The following CARNS1 variants were observed in gnomAD, a reference collection of about 807,000 sequenced individuals.
The protein encoded by CARNS1 is ATP-grasp domain containing 1.
Under a neutral mutation model 74.0 loss-of-function variants are expected in CARNS1, and 61 were observed. That is an observed-to-expected ratio of 0.82 (90% confidence interval 0.67 to 1.02). CARNS1 has a LOEUF of 1.02. Ranked by LOEUF, CARNS1 falls within the 50% of genes least tolerant of loss-of-function variation. The pLI, the probability that CARNS1 is intolerant of heterozygous loss-of-function variation, is 0.00. For missense variants in CARNS1, 1,278 were observed against 1,308.4 expected (o/e 0.98, Z 0.36); for synonymous variants, 568 against 605.5 (o/e 0.94, Z 0.91).
rs144609715 is a variant in CARNS1, at chr11:67,424,899, C to T, written c.*298C>T. ...CACACACACACACACACACCTCTGA[C>T]GCCAGCTCCCCAGGTGGGAGTGGGC... On this transcript the variant is annotated 3_prime_UTR_variant, in exon 10 of 10. Coordinates refer to ENST00000687366, the MANE Select transcript of CARNS1 (RefSeq NM_001166222.2). The T allele has an allele frequency of 6.6e-3, 3,700 of 559,512 alleles. 53 individuals are homozygous for T. Among genetic ancestry groups the T allele is most frequent in the East Asian group, 0.044 (1,065 of 24,410 alleles). 34.7% of individuals were successfully genotyped at this position (559,512 alleles called of 1,614,324 possible).
At position 67,419,146 on chromosome 11, in the gene CARNS1, G is replaced by A. The variant is rs538261452; in HGVS notation, c.755G>A (p.Arg252Gln). The change falls in exon 5 of 10, where the codon CGG (arginine) becomes CAG (glutamine). Residue 252 changes from arginine (R) to glutamine (Q), a missense_variant. Arg to Gln is a conservative substitution (Grantham distance 43, BLOSUM62 1). This residue lies in a region of CARNS1 where 1,164 missense variants were observed against 1,156.5 expected (regional missense o/e 1.01). Transcript: ENST00000687366. The stretch of plus-strand genomic sequence containing the variant: ...GGAGGGGATGCCAGCCTAGGGCTAC[G>A]GCTGGTGGAGCTGAGTGGCAAAGAG... ...LRGGDASLGL[R>Q]LVELSGKEGQ... The A allele has an allele frequency of 5.0e-5, 79 of 1,565,292 alleles. No homozygotes were observed. The South Asian group carries it at 7.0e-4, about 14-fold the overall frequency.
At chr11:67,416,755 G>A in intron 2 of CARNS1, 1 of 986,228 alleles carries the variant, frequency 1.0e-6, no homozygotes, top group Non-Finnish European at 1.2e-6. Flanking sequence ...ATATTGGGGG[G>A]GCGCCAGCCT....
chr11:67,416,894 C>A (rs2135078252), intron 2 of CARNS1: 4 of 986,704 alleles, frequency 4.1e-6, no homozygotes, highest in South Asian at 9.4e-5. Context: ...GGCTTCAAGA[C>A]CTACGTGGGG....
At chr11:67,418,069 G>A (rs1370522661) in intron 3 of CARNS1, among the ~76,000 whole-genome samples, 1 of 152,178 alleles carries the variant, frequency 6.6e-6, no homozygotes, top group Non-Finnish European at 1.5e-5. Flanking sequence ...TGTGTGGACA[G>A]AGGGTTCACA....
chr11:67,420,832 A>C lies in CARNS1; in HGVS notation c.1337A>C (p.Asp446Ala). 1 of 1,228,076 alleles carries C rather than the reference A, an allele frequency of 8.1e-7. No individual in the cohort carries two copies. The highest frequency in any genetic ancestry group is 1.0e-6 in the Non-Finnish European group (1 of 986,318). 76.1% of individuals were successfully genotyped at this position (1,228,076 alleles called of 1,614,324 possible). The change falls in exon 8 of 10, where the codon GAC becomes GCC. Residue 446 changes from aspartate (D) to alanine (A), a missense_variant. Asp to Ala is a moderately radical substitution (Grantham distance 126, BLOSUM62 -2). Around this residue, in one of 3 missense-constraint regions of CARNS1, gnomAD observed 1,164 missense variants for 1,156.5 expected, o/e 1.01. Transcript: ENST00000687366. ...EQRGGRRAHT[D>A]FLGVDFALTA... ...CGCGGCGGGCGCCGGGCGCACACGG[A>C]CTTCCTGGGTGAGTGAGGGCGGCCG...
chr11:67,423,908 T>C lies in CARNS1; in HGVS notation c.2160T>C (p.Asn720=). 1.2e-6 allele frequency: 2 copies of C among 1,613,676 alleles called. No individual in the cohort carries two copies. Among genetic ancestry groups the C allele is most frequent in the Non-Finnish European group, 1.7e-6 (2 of 1,179,884 alleles). Residue 720 remains asparagine, a synonymous_variant, in exon 10 of 10, where the codon AAT becomes AAC. Transcript: ENST00000687366. The surrounding 1 kb of genome is among the most constrained non-coding windows in gnomAD (Gnocchi z 5.1). ...DHPGIGLGWG[N]AMLLMEFVEG... ...CAGGCATTGGGCTGGGCTGGGGCAA[T>C]GCCATGCTGCTGATGGAGTTTGTGG...
chr11:67,422,253 G>T (rs1740924979), intron 9 of CARNS1, among the ~76,000 whole-genome samples: 1 of 138,850 alleles, frequency 7.2e-6, no homozygotes, highest in African/African-American at 2.8e-5. Context: ...GCGCAATCTC[G>T]GCCCATTGCA....
At chr11:67,416,094 A>G in intron 1 of CARNS1, 82 bp from the exon 2 acceptor site, 1 of 869,610 alleles carries the variant, frequency 1.1e-6, no homozygotes, top group African/African-American at 1.7e-5. Context: ...CTCCACTCCC[A>G]AAGTCTAGGG....
At chr11:67,419,692 G>A (rs1475524128) in intron 6 of CARNS1, 31 bp downstream of exon 6, 13 of 1,588,460 alleles carry the variant, frequency 8.2e-6, no homozygotes, top group Middle Eastern at 1.7e-4. Context: ...CCAGGGATGG[G>A]AGTTTGGTGT....
intron 1 of CARNS1, 179 bp downstream of exon 1, chr11:67,415,942 C>G: frequency 4.6e-6 from 2 of 434,000 alleles, no homozygotes; most frequent in South Asian, 5.6e-5. Context: ...CAGAGCCAAG[C>G]CCGGACCCCA....
chr11:67,421,266 T>G, intron 9 of CARNS1, 47 bp downstream of exon 9: 2 of 1,396,630 alleles, frequency 1.4e-6, no homozygotes, highest in South Asian at 1.5e-5. Flanking sequence ...CTGGCCCGAG[T>G]GGTGGAGGCG....
intron 9 of CARNS1, among the ~76,000 whole-genome samples, chr11:67,422,065 G>C (rs938032843): frequency 6.6e-6 from 1 of 151,596 alleles, no homozygotes; most frequent in African/African-American, 2.4e-5. Flanking sequence ...GTAGAGATGG[G>C]GTTTCACCAT....
In CARNS1 at chr11:67,424,861, C is replaced by CCACACACACACA. The variant is rs59798232; in HGVS notation, c.*280_*291dup. The CCACACACACACA allele has an allele frequency of 0.047, 23,874 of 506,630 alleles. 737 individuals carry two copies. Among genetic ancestry groups the CCACACACACACA allele is most frequent in the Admixed American group, 0.18 (5,828 of 32,458 alleles). 31.4% of individuals were successfully genotyped at this position (506,630 alleles called of 1,614,324 possible). A position where few individuals can be genotyped will look rare whatever the true frequency, so the allele number is the denominator to read the frequency against. On this transcript the variant is annotated 3_prime_UTR_variant, in exon 10 of 10. Coordinates refer to ENST00000687366, the MANE Select transcript of CARNS1 (RefSeq NM_001166222.2). ...TCTAGCCTTGGAGAAATGACAATGG[C>CCACACACACACA]CACACACACACACACACACACACAC...
chr11:67,416,534 A>G (rs555885434), intron 2 of CARNS1: 1 of 1,167,848 alleles, frequency 8.6e-7, no homozygotes, highest in Non-Finnish European at 1.1e-6. Context: ...CCATCTCCCA[A>G]CAACCAAGAG....
intron 9 of CARNS1, 95 bp downstream of exon 9, chr11:67,421,314 T>TG: frequency 3.9e-6 from 5 of 1,277,120 alleles, no homozygotes; most frequent in Non-Finnish European, 4.0e-6. Flanking sequence ...GGGGCGTCCT[T>TG]GGGGCGGGAC....
rs1469231200 is a variant in CARNS1 at position 67,417,577 on chromosome 11, G to A, written c.174G>A (p.Glu58=). The change falls in exon 3 of 10, where the codon GAG becomes GAA. Residue 58 remains glutamate (E), a synonymous_variant. Coordinates refer to ENST00000687366, the MANE Select transcript of CARNS1 (RefSeq NM_001166222.2). ...GCAAGGGATCCCCCGAGGGGGCCGA[G>A]GCCCGGGCTTGGACTGTCTACTACT... ...LDCKGSPEGA[E]ARAWTVYYYS... The A allele has an allele frequency of 7.3e-7, 1 of 1,370,436 alleles. No homozygotes were observed. Among genetic ancestry groups the A allele is most frequent in the Non-Finnish European group, 9.4e-7 (1 of 1,062,674 alleles). The allele number at this position is 1,370,436 out of a possible 1,614,324, so 84.9% of individuals were successfully genotyped here. A position where few individuals can be genotyped will look rare whatever the true frequency, so the allele number is the denominator to read the frequency against.
chr11:67,423,990 T>C lies in CARNS1; in HGVS notation c.2242T>C (p.Phe748Leu), dbSNP rs752474789. 6.2e-7 allele frequency: 1 copy of C among 1,613,162 alleles called. No homozygotes were observed. Among genetic ancestry groups the C allele is most frequent in the South Asian group, 1.1e-5 (1 of 91,070 alleles). Residue 748 changes from phenylalanine (F) to leucine (L), a missense_variant, in exon 10 of 10, where the codon TTT (phenylalanine) becomes CTT (leucine). Transcript: ENST00000687366. The surrounding 1 kb of genome is among the most constrained non-coding windows in gnomAD (Gnocchi z 5.1). Reference protein sequence around the residue: ...VLFGGRLLAAFVSDNGPTRLP... With the variant: ...VLFGGRLLAALVSDNGPTRLP... The stretch of plus-strand genomic sequence containing the variant: ...GTTTGGTGGGCGGTTGCTGGCTGCC[T>C]TTGTCTCCGACAATGGCCCTACGAG...
Position 67,418,980 on chromosome 11 carries a change from A to G in CARNS1, c.589A>G (p.Thr197Ala). ...REAAELARDLTCPTGASAELA... is the reference protein window; with the variant it reads ...REAAELARDLACPTGASAELA... Reference sequence around the variant, plus strand: ...GGCAGCAGAACTCGCCCGTGACCTGACCTGCCCCACAGGAGCTTCGGCTGA... The same window carrying G: ...GGCAGCAGAACTCGCCCGTGACCTGGCCTGCCCCACAGGAGCTTCGGCTGA... Residue 197 changes from threonine (T) to alanine (A), a missense_variant, in exon 5 of 10, where the codon ACC becomes GCC. Physicochemically the swap from Thr to Ala is moderately conservative, Grantham distance 58. Around this residue, in one of 3 missense-constraint regions of CARNS1, gnomAD observed 1,164 missense variants for 1,156.5 expected, o/e 1.01. Coordinates refer to ENST00000687366, the MANE Select transcript of CARNS1 (RefSeq NM_001166222.2). 1 of 1,565,284 alleles carries G rather than the reference A, an allele frequency of 6.4e-7. No individual in the cohort carries two copies. The highest frequency in any genetic ancestry group is 8.7e-7 in the Non-Finnish European group (1 of 1,155,726).
At chr11:67,421,502 G>A (rs1441462146) in intron 9 of CARNS1, among the ~76,000 whole-genome samples, 1 of 152,186 alleles carries the variant, frequency 6.6e-6, no homozygotes, top group East Asian at 1.9e-4. Flanking sequence ...CCGGGTAGAT[G>A]GGCTGGGCGA....
Sources: allele counts gnomAD v4.1 joint callset (sites outside exome capture counted in the v4.1 genomes callset), GRCh38; gene constraint gnomAD v4.1.1; regional missense constraint gnomAD v4.1.1; non-coding constraint Gnocchi (gnomAD v3.1); transcripts MANE v1.5; gene names NCBI Gene and HGNC (gene_info 2026-07-23, HGNC 2026-07-21).